The following SLC14A2 variants were observed in gnomAD, a reference collection of about 807,000 sequenced individuals.
The protein encoded by SLC14A2 is urea transporter 2.
In SLC14A2, 91 loss-of-function variants were observed where a neutral mutation model predicts 104.6. The observed-to-expected ratio is 0.87, with a 90% CI of 0.73 to 1.04. The LOEUF (loss-of-function observed/expected upper bound fraction) is 1.04. Among genes scored for constraint, SLC14A2 ranks in the 50% least tolerant of loss-of-function variants. The pLI is 0.00. For missense variants in SLC14A2, 1,189 were observed against 1,156.0 expected (o/e 1.03, Z -0.41); for synonymous variants, 476 against 466.4 (o/e 1.02, Z -0.27).
intron 11 of SLC14A2, among the ~76,000 whole-genome samples, chr18:45,665,252 A>G (rs2144626286): frequency 6.6e-6 from 1 of 152,302 alleles, no homozygotes; most frequent in East Asian, 1.9e-4. Flanking sequence ...GTCTGAAAAC[A>G]CAGGGTAGTC....
the SLC14A2 span, among the ~76,000 whole-genome samples, chr18:45,176,657 C>T: frequency 1.3e-5 from 2 of 152,164 alleles, no homozygotes; most frequent in Admixed American, 1.3e-4. Context: ...CTTCCAGAAG[C>T]CCCCTCTTCC....
intron 1 of SLC14A2, among the ~76,000 whole-genome samples, chr18:45,289,088 C>G (rs1358844295): frequency 1.3e-5 from 2 of 152,214 alleles, no homozygotes; most frequent in Non-Finnish European, 2.9e-5. Flanking sequence ...GCCACCTCAA[C>G]AAGAACAGCC....
rs188880230 is a variant in SLC14A2 at position 45,670,161 on chromosome 18, C to T, written c.2229+663C>T. The stretch of plus-strand genomic sequence containing the variant: ...AATCAAATCGTTTTCTTGCTAAATA[C>T]TGGTGCTTCTCAGTGTAAACTCAGG... On this transcript the variant is annotated intron_variant, in intron 16 of 19. Coordinates refer to ENST00000255226, the MANE Select transcript of SLC14A2 (RefSeq NM_007163.4). Among the ~76,000 whole-genome samples, 9 of 149,178 alleles carry T rather than the reference C, an allele frequency of 6.0e-5. No homozygotes were observed. In the Admixed American group the frequency reaches 6.1e-4, roughly 10 times the overall value.
intron 1 of SLC14A2, among the ~76,000 whole-genome samples, chr18:45,247,440 C>T (rs545703079): frequency 6.6e-6 from 1 of 152,314 alleles, no homozygotes; most frequent in Non-Finnish European, 1.5e-5. Context: ...CCTAAACATC[C>T]TTGGGTTCTG....
intron 10 of SLC14A2, chr18:45,647,616 A>G (rs1182166670): frequency 6.6e-6 from 1 of 152,206 alleles, no homozygotes; most frequent in Non-Finnish European, 1.5e-5. Context: ...ATTTACAGCT[A>G]TTAATTTTCT....
chr18:45,218,731 A>G (rs1374159095), intron 1 of SLC14A2, among the ~76,000 whole-genome samples: 6 of 152,166 alleles, frequency 3.9e-5, no homozygotes, highest in Admixed American at 3.9e-4. Flanking sequence ...ACATCAAACC[A>G]CTAACTGGAG....
At chr18:45,290,526 C>T (rs1004397874) in intron 1 of SLC14A2, among the ~76,000 whole-genome samples, 1 of 152,264 alleles carries the variant, frequency 6.6e-6, no homozygotes, top group Middle Eastern at 3.4e-3. Context: ...GGCTTGGCTA[C>T]TAACTGGCAA....
the SLC14A2 span, among the ~76,000 whole-genome samples, chr18:45,193,441 A>G: frequency 6.6e-6 from 1 of 152,186 alleles, no homozygotes; most frequent in African/African-American, 2.4e-5. Flanking sequence ...GTATGTGTTT[A>G]TCTAATTATT....
chr18:45,682,088 T>A (rs2144672742), intron 19 of SLC14A2, among the ~76,000 whole-genome samples: 1 of 152,368 alleles, frequency 6.6e-6, no homozygotes, highest in Non-Finnish European at 1.5e-5. Flanking sequence ...AAGGGCATAT[T>A]AGCCCAACTA....
intron 2 of SLC14A2, among the ~76,000 whole-genome samples, chr18:45,512,770 C>G (rs2043384079): frequency 6.6e-6 from 1 of 152,172 alleles, no homozygotes; most frequent in Admixed American, 6.5e-5. Flanking sequence ...CCTGCAAAAT[C>G]TGTCTTAGAG....
intron 4 of SLC14A2, among the ~76,000 whole-genome samples, 191 bp from the exon 5 acceptor site, chr18:45,632,159 G>C (rs886358091): frequency 6.6e-6 from 1 of 151,982 alleles, no homozygotes; most frequent in Non-Finnish European, 1.5e-5. Context: ...GTGTGTGTGT[G>C]TGTGTGTGTG....
chr18:45,665,873 C>T (rs2046014423), intron 11 of SLC14A2, among the ~76,000 whole-genome samples: 1 of 151,878 alleles, frequency 6.6e-6, no homozygotes, highest in Non-Finnish European at 1.5e-5. Flanking sequence ...AGTGGAATCT[C>T]TGAGCTCCCT....
intron 2 of SLC14A2, among the ~76,000 whole-genome samples, chr18:45,545,828 A>T (rs76808741): frequency 2.0e-5 from 3 of 152,364 alleles, no homozygotes; most frequent in Non-Finnish European, 4.4e-5. Flanking sequence ...CACATATCCC[A>T]TTAGTAAATA....
At chr18:45,330,830 G>A (rs1162819146) in intron 1 of SLC14A2, among the ~76,000 whole-genome samples, 1 of 152,220 alleles carries the variant, frequency 6.6e-6, no homozygotes, top group African/African-American at 2.4e-5. Context: ...ACTAGCTAGA[G>A]AAGCCGTTGC....
intron 1 of SLC14A2, among the ~76,000 whole-genome samples, chr18:45,415,185 T>C (rs1297098461): frequency 6.6e-6 from 1 of 152,148 alleles, no homozygotes; most frequent in Non-Finnish European, 1.5e-5. Flanking sequence ...TGCAGGTTGC[T>C]GGAAGCCCCC....
chr18:45,424,045 T>C lies in SLC14A2; in HGVS notation c.-124-59188T>C, dbSNP rs550176007. The C allele has an allele frequency of 6.6e-5, 10 of 152,348 alleles. No homozygotes were observed. In the South Asian group the frequency reaches 1.9e-3, roughly 28 times the overall value. The allele number at this position is 152,348 out of a possible 1,614,324, so 9.4% of individuals were successfully genotyped here. A position where few individuals can be genotyped will look rare whatever the true frequency, so the allele number is the denominator to read the frequency against. The stretch of plus-strand genomic sequence containing the variant: ...GAGATATGCTAACCAATGCCACTCT[T>C]GGGACTGGCTTCTGGAGAGGTCCCT... On this transcript the variant is annotated intron_variant, in intron 1 of 20. Transcript: ENST00000586448.
At chr18:45,337,578 C>T (rs1474072463) in intron 1 of SLC14A2, among the ~76,000 whole-genome samples, 1 of 152,208 alleles carries the variant, frequency 6.6e-6, no homozygotes, top group East Asian at 1.9e-4. Context: ...CCTGCCATGA[C>T]AGGAAAGCAA....
intron 1 of SLC14A2, among the ~76,000 whole-genome samples, chr18:45,249,729 C>T (rs906351984): frequency 2.6e-5 from 4 of 152,192 alleles, no homozygotes; most frequent in Middle Eastern, 3.4e-3. Flanking sequence ...GCAGGAGGAT[C>T]GCTTGAGTCC....
chr18:45,677,713 C>T (rs941615250), intron 18 of SLC14A2, among the ~76,000 whole-genome samples: 5 of 152,212 alleles, frequency 3.3e-5, no homozygotes, highest in South Asian at 2.1e-4. Flanking sequence ...GGCTCCTATT[C>T]GCTCTCAGAG....
Sources: allele counts gnomAD v4.1 joint callset (sites outside exome capture counted in the v4.1 genomes callset), GRCh38; gene constraint gnomAD v4.1.1; transcripts MANE v1.5; gene names NCBI Gene and HGNC (gene_info 2026-07-23, HGNC 2026-07-21).